Variants in OCA2 observed in about 807,000 individuals in gnomAD.
OCA2 encodes OCA2 melanosomal transmembrane protein.
OCA2 carries 77 observed loss-of-function variants against 100.2 expected under a neutral mutation model. The observed-to-expected ratio is 0.77, with a 90% CI of 0.64 to 0.93. The LOEUF (loss-of-function observed/expected upper bound fraction) is 0.93, where lower values mean the gene tolerates loss of function less well. Among genes scored for constraint, OCA2 ranks in the 40% least tolerant of loss-of-function variants. The probability of loss-of-function intolerance (pLI) is 0.00; values close to 1 mark genes in which losing one functional copy is unlikely to be tolerated. For synonymous variants in OCA2, 432 were observed against 439.2 expected (o/e 0.98, Z 0.21); for missense variants, 1,062 against 1,089.1 (o/e 0.98, Z 0.35).
At chr15:27,808,913 C>T (rs1181891231) in intron 23 of OCA2, among the ~76,000 whole-genome samples, 2 of 152,196 alleles carry the variant, frequency 1.3e-5, no homozygotes, top group African/African-American at 4.8e-5. Context: ...CATGACTGAA[C>T]AGATGGGATC....
At chr15:28,021,909 C>T (rs762197165) in intron 6 of OCA2, among the ~76,000 whole-genome samples, 16 of 152,144 alleles carry the variant, frequency 1.1e-4, no homozygotes, top group East Asian at 3.9e-4. Context: ...TCTAGTGCAC[C>T]GCAGGTTGCC....
chr15:28,010,050 T>C (rs987604809), intron 9 of OCA2, among the ~76,000 whole-genome samples: 3 of 151,586 alleles, frequency 2.0e-5, no homozygotes, highest in Non-Finnish European at 4.4e-5. Flanking sequence ...TCCAATATTC[T>C]AAAATAAATC....
At chr15:27,858,054 A>C (rs1381671222) in intron 21 of OCA2, among the ~76,000 whole-genome samples, 1 of 152,228 alleles carries the variant, frequency 6.6e-6, no homozygotes, top group East Asian at 1.9e-4. Flanking sequence ...GAAACTGAGA[A>C]ACAAAAAATC....
chr15:27,864,442 T>A (rs533786335), intron 21 of OCA2, among the ~76,000 whole-genome samples: 2 of 152,244 alleles, frequency 1.3e-5, no homozygotes, highest in Admixed American at 1.3e-4. Context: ...TTTAAAAAAT[T>A]GTAAAGCTAA....
chr15:27,892,535 GAA>G (rs989507032), intron 19 of OCA2, among the ~76,000 whole-genome samples: 55 of 119,212 alleles, frequency 4.6e-4, no homozygotes, highest in African/African-American at 2.0e-3. Flanking sequence ...GCAACACATA[GAA>G]ACATATAGGG....
chr15:27,902,955 T>C (rs1296576813), intron 19 of OCA2, among the ~76,000 whole-genome samples: 1 of 152,036 alleles, frequency 6.6e-6, no homozygotes, highest in Non-Finnish European at 1.5e-5. Flanking sequence ...AGAGCTCACA[T>C]CCTCCACCCC....
At chr15:27,817,730 G>C (rs2034357666) in intron 23 of OCA2, among the ~76,000 whole-genome samples, 1 of 152,148 alleles carries the variant, frequency 6.6e-6, no homozygotes. Flanking sequence ...AAAACCTGCT[G>C]TCTCAGTGGA....
At chr15:27,719,982 TG>T in the OCA2 span, among the ~76,000 whole-genome samples, 1 of 152,174 alleles carries the variant, frequency 6.6e-6, no homozygotes, top group Non-Finnish European at 1.5e-5. Flanking sequence ...TCTCACATAC[TG>T]GTATAGATTT....
the OCA2 span, among the ~76,000 whole-genome samples, chr15:27,722,692 C>G: frequency 4.4e-4 from 61 of 139,366 alleles, 1 homozygote; most frequent in African/African-American, 1.7e-3. Flanking sequence ...TTCTTTCTCT[C>G]TCTTTCTCTT....
At chr15:27,994,192 G>A (rs1036400162) in intron 9 of OCA2, among the ~76,000 whole-genome samples, 1 of 152,160 alleles carries the variant, frequency 6.6e-6, no homozygotes, top group African/African-American at 2.4e-5. Context: ...TCAGATCAGC[G>A]GCAGCATCAG....
chr15:28,009,800 T>C (rs2042191794), intron 9 of OCA2, among the ~76,000 whole-genome samples: 1 of 151,476 alleles, frequency 6.6e-6, no homozygotes, highest in Admixed American at 6.6e-5. Flanking sequence ...TGTAATTTAG[T>C]AATAGAAAGA....
At chr15:27,783,186 G>A (rs1405776742) in intron 23 of OCA2, among the ~76,000 whole-genome samples, 1 of 152,148 alleles carries the variant, frequency 6.6e-6, no homozygotes, top group African/African-American at 2.4e-5. Flanking sequence ...CCCTGGGTGG[G>A]GGGATTCTGG....
intron 9 of OCA2, among the ~76,000 whole-genome samples, chr15:27,998,626 T>C: frequency 7.0e-6 from 1 of 141,894 alleles, no homozygotes; most frequent in Admixed American, 7.2e-5. Context: ...TCAACCATTG[T>C]GGAAGTCAGT....
chr15:28,087,444 A>G (rs1174080672), intron 1 of OCA2, among the ~76,000 whole-genome samples: 1 of 152,204 alleles, frequency 6.6e-6, no homozygotes, highest in Non-Finnish European at 1.5e-5. Flanking sequence ...AACATCAGGA[A>G]GGTAAAAGAA....
intron 23 of OCA2, among the ~76,000 whole-genome samples, chr15:27,807,231 A>G (rs2033893792): frequency 6.6e-6 from 1 of 151,728 alleles, no homozygotes; most frequent in Admixed American, 6.6e-5. Context: ...CAAACTTCTC[A>G]CTGGTCTCCC....
chr15:27,990,065 C>T (rs2041500405), intron 10 of OCA2, among the ~76,000 whole-genome samples: 1 of 152,070 alleles, frequency 6.6e-6, no homozygotes, highest in Admixed American at 6.6e-5. Context: ...CAACTCTGGG[C>T]CTCCATCCCC....
intron 18 of OCA2, among the ~76,000 whole-genome samples, chr15:27,948,017 G>A (rs960094444): frequency 9.9e-5 from 15 of 152,150 alleles, no homozygotes; most frequent in Non-Finnish European, 2.1e-4. Context: ...CTTTGTTCGT[G>A]CATCCTGAGA....
chr15:27,732,836 A>G, the OCA2 span, among the ~76,000 whole-genome samples: 1 of 152,224 alleles, frequency 6.6e-6, no homozygotes, highest in African/African-American at 2.4e-5. Flanking sequence ...ATAATAACTT[A>G]CAAAAATAGG....
chr15:27,837,146 G>A lies in OCA2; in HGVS notation c.2432+7813C>T, dbSNP rs376555088. 2.0e-5 allele frequency among the ~76,000 whole-genome samples: 3 copies of A among 152,148 alleles called. No individual in the cohort carries two copies. The East Asian group carries it at 5.8e-4, about 29-fold the overall frequency. ...GCAGACCATGTTTCTGCCCAGTGAG[G>A]GAATCTAACATTAGCATAATCTCTA... On this transcript the variant is annotated intron_variant, in intron 23 of 23. Coordinates refer to ENST00000354638, the MANE Select transcript of OCA2 (RefSeq NM_000275.3).
Sources: gnomAD v4.1 joint callset for allele counts (sites outside exome capture counted in the v4.1 genomes callset) on GRCh38, gnomAD v4.1.1 for gene constraint, MANE v1.5 for transcripts, NCBI Gene and HGNC (gene_info 2026-07-23, HGNC 2026-07-21) for gene names.